SPAM1: variants seen among roughly 807,000 people sequenced by gnomAD.
The protein encoded by SPAM1 is sperm adhesion molecule 1, also known as hyaluronidase PH-20.
In SPAM1, 22 loss-of-function variants were observed where a neutral mutation model predicts 29.6. That is an observed-to-expected ratio of 0.74 (90% CI 0.53 to 1.06). The LOEUF (loss-of-function observed/expected upper bound fraction) is 1.06, where lower values mean the gene tolerates loss of function less well. Among genes scored for constraint, SPAM1 ranks in the 50% least tolerant of loss-of-function variants. The probability of loss-of-function intolerance (pLI) is 0.00; values close to 1 mark genes in which losing one functional copy is unlikely to be tolerated. For synonymous variants in SPAM1, 194 were observed against 204.6 expected (o/e 0.95, Z 0.44); for missense variants, 534 against 604.0 (o/e 0.88, Z 1.21).
chr7:123,925,695 C>T (rs1807856970), intron 1 of SPAM1, among the ~76,000 whole-genome samples: 1 of 149,548 alleles, frequency 6.7e-6, no homozygotes, highest in African/African-American at 2.5e-5. Flanking sequence ...GAGATCATGC[C>T]ACTACACTCC....
At chr7:123,937,614 A>G (rs1808298627) in intron 1 of SPAM1, among the ~76,000 whole-genome samples, 1 of 151,616 alleles carries the variant, frequency 6.6e-6, no homozygotes, top group Non-Finnish European at 1.5e-5. Flanking sequence ...AAAAAAAAAA[A>G]AAAGACGCTT....
chr7:123,936,360 G>A (rs778746761), intron 1 of SPAM1, among the ~76,000 whole-genome samples: 2 of 152,186 alleles, frequency 1.3e-5, no homozygotes, highest in Non-Finnish European at 2.9e-5. Context: ...TCATTAGGAT[G>A]TGGAAATTTT....
At chr7:123,960,053 T>C, downstream of SPAM1, 1 of 1,499,360 alleles carries the variant, frequency 6.7e-7, no homozygotes, top group Non-Finnish European at 8.8e-7. Context: ...AGAACAGCTC[T>C]TGTTGAAAGA....
intron 6 of SPAM1, among the ~76,000 whole-genome samples, chr7:123,970,830 T>C (rs1004929516): frequency 6.6e-6 from 1 of 152,022 alleles, no homozygotes. Flanking sequence ...AGGAAATACA[T>C]TTTTGTTCTA....
intron 1 of SPAM1, among the ~76,000 whole-genome samples, chr7:123,949,517 A>G (rs1264423972): frequency 2.0e-5 from 3 of 152,154 alleles, no homozygotes; most frequent in African/African-American, 7.2e-5. Flanking sequence ...ATATCTGCAT[A>G]CATTCTTTCA....
At chr7:123,967,485 T>C (rs565244329) in intron 5 of SPAM1, among the ~76,000 whole-genome samples, 2 of 152,176 alleles carry the variant, frequency 1.3e-5, no homozygotes, top group Non-Finnish European at 1.5e-5. Context: ...ATTAAGTGAT[T>C]AGATATTCCC....
At chr7:123,962,167 T>C (rs1274149390), downstream of SPAM1, among the ~76,000 whole-genome samples, 1 of 151,996 alleles carries the variant, frequency 6.6e-6, no homozygotes, top group East Asian at 1.9e-4. Context: ...TTTTCCCACA[T>C]CCTTGCCAGT....
At chr7:123,961,660 A>C (rs1563033463), downstream of SPAM1, among the ~76,000 whole-genome samples, 2 of 151,834 alleles carry the variant, frequency 1.3e-5, no homozygotes, top group Non-Finnish European at 2.9e-5. Flanking sequence ...ATATATACTG[A>C]TTTTTTTCCT....
chr7:123,950,915 G>T (rs1411163052), intron 2 of SPAM1, among the ~76,000 whole-genome samples: 2 of 151,834 alleles, frequency 1.3e-5, no homozygotes, highest in Non-Finnish European at 2.9e-5. Context: ...CTGCATCCAT[G>T]ACAACATTTT....
intron 1 of SPAM1, chr7:123,932,408 T>G (rs970961736): frequency 2.0e-5 from 3 of 152,258 alleles, no homozygotes; most frequent in Non-Finnish European, 2.9e-5. Flanking sequence ...GTAACCATAC[T>G]GTATTTCATA....
In SPAM1 at chr7:123,954,404, G is replaced by T. The variant is rs748635413; in HGVS notation, c.834G>T (p.Val278=). Reference sequence around the variant, plus strand: ...CTCCTGTAGCTGCTACACTCTATGTGCGCAATCGAGTTCGGGAAGCCATCA... The same window carrying T: ...CTCCTGTAGCTGCTACACTCTATGTTCGCAATCGAGTTCGGGAAGCCATCA... ...QQSPVAATLY[V]RNRVREAIRV... Residue 278 remains valine (V), a synonymous_variant, in exon 3 of 5, where the codon GTG becomes GTT. Transcript: ENST00000682466. 1.2e-6 allele frequency: 2 copies of T among 1,613,366 alleles called. No individual in the cohort carries two copies. The highest frequency in any genetic ancestry group is 1.7e-6 in the Non-Finnish European group (2 of 1,179,630).
intron 6 of SPAM1, among the ~76,000 whole-genome samples, chr7:123,970,592 A>AATAATAATAATAAT (rs1792484927): frequency 1.4e-5 from 2 of 146,230 alleles, no homozygotes; most frequent in African/African-American, 5.1e-5. Context: ...CCATCTCTAC[A>AATAATAATAATAAT]AATAATAATA....
rs1018572817 is a variant in SPAM1 at position 123,925,621 on chromosome 7, C to T, written c.-319+269C>T. 3.3e-5 allele frequency: 5 copies of T among 151,750 alleles called. No homozygotes were observed. The South Asian group carries it at 6.3e-4, about 19-fold the overall frequency. The allele number at this position is 151,750 out of a possible 1,614,324, so 9.4% of individuals were successfully genotyped here. A position where few individuals can be genotyped will look rare whatever the true frequency, so the allele number is the denominator to read the frequency against. ...TGCCAAAATGAGGAATAACCTCAGT[C>T]GTTAATTTCTTTACCACTATCATGG... On this transcript the variant is annotated intron_variant, in intron 1 of 4. Coordinates refer to ENST00000682466, the MANE Select transcript of SPAM1 (RefSeq NM_153189.3).
chr7:123,946,514 G>A lies in SPAM1; in HGVS notation c.-318-3358G>A, dbSNP rs533811198. ...AGAAAGTTTATTTTGCCAAGGTTAAGGACGTGCCTGTGACACAGCTTCATG... is the reference window on the plus strand; with the variant it reads ...AGAAAGTTTATTTTGCCAAGGTTAAAGACGTGCCTGTGACACAGCTTCATG... On this transcript the variant is annotated intron_variant, in intron 1 of 4. Transcript: ENST00000682466. Among the ~76,000 whole-genome samples the A allele has an allele frequency of 2.4e-3, 367 of 152,254 alleles. 1 individual carries two copies. Among genetic ancestry groups the A allele is most frequent in the African/African-American group, 8.3e-3 (343 of 41,560 alleles).
downstream of SPAM1, among the ~76,000 whole-genome samples, chr7:123,960,851 A>G (rs1792349257): frequency 1.3e-5 from 2 of 151,922 alleles, no homozygotes; most frequent in Middle Eastern, 3.2e-3. Context: ...CTTTATGTTT[A>G]AGCTTTGTTT....
At chr7:123,931,106 C>T (rs1240882242) in intron 1 of SPAM1, among the ~76,000 whole-genome samples, 2 of 152,166 alleles carry the variant, frequency 1.3e-5, no homozygotes, top group Admixed American at 1.3e-4. Context: ...ATGCTGCTTG[C>T]ACACTTCATG....
exon 7 of SPAM1, chr7:123,971,180 G>C (rs1239099505): frequency 1.3e-5 from 2 of 152,030 alleles, no homozygotes; most frequent in Non-Finnish European, 2.9e-5. Context: ...TTGGGAATCT[G>C]ATGAAGCCTA....
chr7:123,970,079 G>C lies in SPAM1; in HGVS notation c.1486-119G>C, dbSNP rs1417742119. 8.5e-6 allele frequency: 8 copies of C among 936,348 alleles called. No homozygotes were observed. In the African/African-American group the frequency reaches 1.3e-4, roughly 16 times the overall value. The allele number at this position is 936,348 out of a possible 1,614,324, so 58.0% of individuals were successfully genotyped here. A position where few individuals can be genotyped will look rare whatever the true frequency, so the allele number is the denominator to read the frequency against. ...TAGTCCGGGTTCACTTTCTTTACAT[G>C]GAGTCTCCTGGTATTTATTCTGTAT... On this transcript the variant is annotated intron_variant, in intron 5 of 6. Transcript: ENST00000340011.
intron 1 of SPAM1, among the ~76,000 whole-genome samples, chr7:123,949,291 A>G (rs972906601): frequency 1.3e-5 from 2 of 152,136 alleles, no homozygotes; most frequent in East Asian, 3.9e-4. Flanking sequence ...AAACAGTATG[A>G]TAGTTGGATG....
Sources: allele counts gnomAD v4.1 joint callset (sites outside exome capture counted in the v4.1 genomes callset), GRCh38; gene constraint gnomAD v4.1.1; transcripts MANE v1.5; gene names NCBI Gene and HGNC (gene_info 2026-07-23, HGNC 2026-07-21).